FANCD2: variants seen among roughly 807,000 people sequenced by gnomAD.
FANCD2 encodes the protein Fanconi anemia group D2 protein.
In FANCD2, 131 loss-of-function variants were observed where a neutral mutation model predicts 192.3. The observed-to-expected ratio is 0.68, with a 90% CI of 0.59 to 0.79. The LOEUF is 0.79. Among genes scored for constraint, FANCD2 ranks in the 30% least tolerant of loss-of-function variants. The probability of loss-of-function intolerance (pLI) is 0.00; values close to 1 mark genes in which losing one functional copy is unlikely to be tolerated. For synonymous variants in FANCD2, 524 were observed against 612.5 expected, an observed-to-expected ratio of 0.86 and a Z score of 2.13; for missense variants, 1,508 against 1,701.6, an observed-to-expected ratio of 0.89 and a Z score of 2.00.
chr3:10,028,337 G>T (rs2086508247), intron 1 of FANCD2, among the ~76,000 whole-genome samples: 1 of 152,214 alleles, frequency 6.6e-6, no homozygotes, highest in Admixed American at 6.5e-5. Flanking sequence ...GGACAGGTAC[G>T]TTGGGGATAG....
At chr3:10,075,188 CT>C (rs57693909) in intron 29 of FANCD2, among the ~76,000 whole-genome samples, 127 of 145,024 alleles carry the variant, frequency 8.8e-4, no homozygotes, top group Non-Finnish European at 7.3e-4. Context: ...TTATTATTTT[CT>C]TTTTTTTTTT....
intron 29 of FANCD2, among the ~76,000 whole-genome samples, chr3:10,077,564 AT>A (rs59266334): frequency 0.2 from 29,607 of 151,278 alleles, 3,351 homozygotes; most frequent in African/African-American, 0.31. Context: ...CAAAAAAAAA[AT>A]TTTTTTTTCA....
intron 34 of FANCD2, 100 bp downstream of exon 34, chr3:10,087,364 A>T (rs998124860): frequency 8.7e-7 from 1 of 1,151,464 alleles, no homozygotes; most frequent in East Asian, 2.5e-5. Context: ...TTTACATGTA[A>T]ATCCCCACAT....
chr3:10,031,185 C>T (rs987488105), intron 2 of FANCD2, among the ~76,000 whole-genome samples: 5 of 152,076 alleles, frequency 3.3e-5, no homozygotes, highest in Non-Finnish European at 7.4e-5. Flanking sequence ...GTCTTTGTCT[C>T]ATTCTGATTA....
At chr3:10,069,535 C>T (rs2087819357) in intron 26 of FANCD2, among the ~76,000 whole-genome samples, 1 of 145,852 alleles carries the variant, frequency 6.9e-6, no homozygotes. Context: ...TGTACTGCTG[C>T]CATCTCGGCT....
chr3:10,092,148 A>C, intron 37 of FANCD2, 33 bp from the exon 38 acceptor site: 1 of 1,461,804 alleles, frequency 6.8e-7, no homozygotes, highest in East Asian at 2.3e-5. Context: ...TTTGGCTGTG[A>C]CTCAGAGGTG....
At chr3:10,064,165 T>C (rs987532741) in intron 21 of FANCD2, among the ~76,000 whole-genome samples, 191 bp from the exon 22 acceptor site, 1 of 152,228 alleles carries the variant, frequency 6.6e-6, no homozygotes, top group Non-Finnish European at 1.5e-5. Flanking sequence ...AGAGCCCTAT[T>C]CTGTGCTGGG....
intron 29 of FANCD2, 70 bp downstream of exon 29, chr3:10,074,743 A>G: frequency 6.9e-7 from 1 of 1,440,028 alleles, no homozygotes. Flanking sequence ...TTCTTATTTC[A>G]CAAAGAACAC....
chr3:10,040,453 G>A (rs2086838015), intron 9 of FANCD2: 4 of 454,896 alleles, frequency 8.8e-6, no homozygotes, highest in African/African-American at 6.0e-5. Context: ...TCATTAACTT[G>A]TTCTTCAGGG....
chr3:10,092,259 A>ATGGAGACTGC lies in FANCD2; in HGVS notation c.3849+9_3849+18dup. 6.2e-7 allele frequency: 1 copy of ATGGAGACTGC among 1,603,708 alleles called. No homozygotes were observed. Among genetic ancestry groups the ATGGAGACTGC allele is most frequent in the Non-Finnish European group, 8.5e-7 (1 of 1,170,704 alleles). On this transcript the variant is annotated splice_region_variant and intron_variant, in intron 38 of 43. Transcript: ENST00000675286. ...CCTCATCAACTTGATAAAGGTGAGT[A>ATGGAGACTGC]TGGAGACTGCTTGACACATCTCACC...
intron 26 of FANCD2, among the ~76,000 whole-genome samples, chr3:10,072,522 G>A (rs1272663964): frequency 1.3e-5 from 2 of 152,090 alleles, no homozygotes; most frequent in Non-Finnish European, 2.9e-5. Flanking sequence ...CAGGTGATCC[G>A]CGCGCCTTGA....
chr3:10,036,918 C>G (rs2086745701), intron 7 of FANCD2, among the ~76,000 whole-genome samples: 1 of 151,946 alleles, frequency 6.6e-6, no homozygotes, highest in African/African-American at 2.4e-5. Context: ...TCACTGAGGC[C>G]TCCACCTCCC....
rs770985541 is a variant in FANCD2, at chr3:10,042,592, A to G, written c.817A>G (p.Ile273Val). The G allele has an allele frequency of 1.0e-4, 162 of 1,613,948 alleles. No homozygotes were observed. Among genetic ancestry groups the G allele is most frequent in the Non-Finnish European group, 1.3e-4 (148 of 1,179,980 alleles). ...RQLVMDKLSS[I>V]RLEDLPVIIK... Reference sequence around the variant, plus strand: ...GTTGGTGATGGATAAGTTGTCGTCTATTAGATTGGAGGATTTACCTGTGAT... The same window carrying G: ...GTTGGTGATGGATAAGTTGTCGTCTGTTAGATTGGAGGATTTACCTGTGAT... The change falls in exon 11 of 44, where the codon ATT becomes GTT. Residue 273 changes from isoleucine to valine, a missense_variant. Ile to Val is a conservative substitution (Grantham distance 29, BLOSUM62 3). Around this residue, in one of 5 missense-constraint regions of FANCD2, gnomAD observed 435 missense variants for 421.9 expected, o/e 1.03. Transcript: ENST00000675286.
intron 3 of FANCD2, among the ~76,000 whole-genome samples, 193 bp from the exon 4 acceptor site, chr3:10,034,276 G>C (rs1046908655): frequency 7.5e-6 from 1 of 133,176 alleles, no homozygotes; most frequent in South Asian, 2.3e-4. Context: ...TGTGAGCTGA[G>C]ATCACGCCAC....
chr3:10,099,014 T>A, intron 43 of FANCD2, 199 bp downstream of exon 43: 3 of 1,613,012 alleles, frequency 1.9e-6, no homozygotes, highest in Non-Finnish European at 2.5e-6. Flanking sequence ...TTAGAATCAC[T>A]CCTGAGTATC....
intron 9 of FANCD2, chr3:10,040,855 A>T (rs909938221): frequency 4.2e-5 from 9 of 216,838 alleles, no homozygotes; most frequent in African/African-American, 7.1e-5. Flanking sequence ...TACCTGCCTG[A>T]TGCCAGCTCA....
intron 30 of FANCD2, among the ~76,000 whole-genome samples, chr3:10,080,223 C>T (rs1693759210): frequency 6.6e-6 from 1 of 151,236 alleles, no homozygotes; most frequent in Non-Finnish European, 1.5e-5. Context: ...ATTCATTCTT[C>T]TTTGTATTCA....
At chr3:10,080,525 C>T (rs546598755) in intron 30 of FANCD2, among the ~76,000 whole-genome samples, 1 of 152,348 alleles carries the variant, frequency 6.6e-6, no homozygotes, top group Non-Finnish European at 1.5e-5. Context: ...AACCCCAACA[C>T]TTTGGGAGTC....
At chr3:10,086,217 G>A (rs1694191429) in intron 33 of FANCD2, among the ~76,000 whole-genome samples, 1 of 152,138 alleles carries the variant, frequency 6.6e-6, no homozygotes, top group South Asian at 2.1e-4. Context: ...ATTATCCAGG[G>A]ACCTACTGTC....
Sources: allele counts gnomAD v4.1 joint callset (sites outside exome capture counted in the v4.1 genomes callset), GRCh38; gene constraint gnomAD v4.1.1; regional missense constraint gnomAD v4.1.1; transcripts MANE v1.5; gene names NCBI Gene and HGNC (gene_info 2026-07-23, HGNC 2026-07-21).